ARHGAP30: variants seen among roughly 807,000 people sequenced by gnomAD.
ARHGAP30 encodes rho GTPase-activating protein 30.
ARHGAP30 carries 23 observed loss-of-function variants against 72.0 expected under a neutral mutation model. The ratio of observed to expected loss-of-function variants is 0.32; its 90% CI spans 0.23 to 0.45. The LOEUF (loss-of-function observed/expected upper bound fraction) is 0.45, where lower values mean the gene tolerates loss of function less well. Among genes scored for constraint, ARHGAP30 ranks in the 20% least tolerant of loss-of-function variants. The pLI, the probability that ARHGAP30 is intolerant of heterozygous loss-of-function variation, is 1.00. For missense variants in ARHGAP30, 1,319 were observed against 1,383.4 expected (o/e 0.95, Z 0.74); for synonymous variants, 576 against 528.2 (o/e 1.09, Z -1.24).
intron 1 of ARHGAP30, among the ~76,000 whole-genome samples, chr1:161,067,032 C>G (rs984259816): frequency 1.3e-5 from 2 of 152,058 alleles, no homozygotes; most frequent in Non-Finnish European, 2.9e-5. Flanking sequence ...CCTCCAGAGT[C>G]CTTTAAAGGG....
chr1:161,052,211 G>T (rs1651454816), intron 9 of ARHGAP30, 75 bp downstream of exon 9: 3 of 1,507,022 alleles, frequency 2.0e-6, no homozygotes, highest in Non-Finnish European at 2.8e-6. Context: ...AACACAGTTG[G>T]CTGCATGTAC....
chr1:161,067,119 A>G (rs1652830273), intron 1 of ARHGAP30, among the ~76,000 whole-genome samples: 1 of 152,168 alleles, frequency 6.6e-6, no homozygotes, highest in Non-Finnish European at 1.5e-5. Context: ...ACAGGGTCAC[A>G]GAGATGGGGG....
At chr1:161,067,631 G>T (rs1452792806) in intron 1 of ARHGAP30, among the ~76,000 whole-genome samples, 3 of 152,080 alleles carry the variant, frequency 2.0e-5, no homozygotes, top group Non-Finnish European at 4.4e-5. Context: ...GGAAAAGAAA[G>T]AATTCAGTAT....
intron 3 of ARHGAP30, 98 bp from the exon 4 acceptor site, chr1:161,054,803 C>T (rs1016776145): frequency 9.5e-7 from 1 of 1,056,292 alleles, no homozygotes; most frequent in Admixed American, 1.8e-5. Flanking sequence ...ACAATGTGCA[C>T]TGGACTCTGT....
At chr1:161,052,953 C>T (rs1163171478) in intron 6 of ARHGAP30, 156 bp from the exon 7 acceptor site, 13 of 1,016,810 alleles carry the variant, frequency 1.3e-5, no homozygotes, top group Non-Finnish European at 1.8e-5. Flanking sequence ...CAAAAGAGTG[C>T]CCTCATGGAC....
At chr1:161,061,016 T>C (rs17384360) in intron 1 of ARHGAP30, among the ~76,000 whole-genome samples, 2 of 151,034 alleles carry the variant, frequency 1.3e-5, no homozygotes, top group African/African-American at 2.4e-5. Flanking sequence ...GGACTTATCT[T>C]AAAAGTGCAT....
In ARHGAP30 at chr1:161,069,857, T is replaced by C. The variant is rs1653049861; in HGVS notation, c.-233A>G. The C allele has an allele frequency of 1.8e-6, 1 of 568,000 alleles. No homozygotes were observed. Among genetic ancestry groups the C allele is most frequent in the Non-Finnish European group, 3.2e-6 (1 of 315,692 alleles). The allele number at this position is 568,000 out of a possible 1,614,324, so 35.2% of individuals were successfully genotyped here. A position where few individuals can be genotyped will look rare whatever the true frequency, so the allele number is the denominator to read the frequency against. ...AAGCTACCAGGACCCTGGCAAGAAA[T>C]TGTGTCCTGTGTCTCGTGGCCCAGC... On this transcript the variant is annotated 5_prime_UTR_variant, in exon 1 of 12. Coordinates refer to ENST00000368013, the MANE Select transcript of ARHGAP30 (RefSeq NM_001025598.2). The surrounding 1 kb of genome is among the most constrained non-coding windows in gnomAD (Gnocchi z 4.9).
At position 161,047,619 on chromosome 1, in the gene ARHGAP30, C is replaced by T; in HGVS notation, c.*96G>A. 7.3e-7 allele frequency: 1 copy of T among 1,368,532 alleles called. No individual in the cohort carries two copies. The highest frequency in any genetic ancestry group is 9.8e-7 in the Non-Finnish European group (1 of 1,021,900). 84.8% of individuals were successfully genotyped at this position (1,368,532 alleles called of 1,614,324 possible). On this transcript the variant is annotated 3_prime_UTR_variant, in exon 12 of 12. Coordinates refer to ENST00000368013, the MANE Select transcript of ARHGAP30 (RefSeq NM_001025598.2). ...GGGCCAAAGCCTATAGAGTTGGGCA[C>T]TACAGCTGCTCATGCTGCAGAGGAG...
intron 10 of ARHGAP30, 29 bp downstream of exon 10, chr1:161,051,285 C>T: frequency 6.5e-7 from 1 of 1,542,748 alleles, no homozygotes; most frequent in Non-Finnish European, 8.7e-7. Flanking sequence ...GTCCCCTTTC[C>T]TAGTCTTGGT....
At position 161,049,004 on chromosome 1, in the gene ARHGAP30, C is replaced by G; in HGVS notation, c.2017G>C (p.Glu673Gln). The G allele has an allele frequency of 1.9e-6, 3 of 1,613,928 alleles. No individual in the cohort carries two copies. The highest frequency in any genetic ancestry group is 2.5e-6 in the Non-Finnish European group (3 of 1,180,046). ...AEPGGRLDIR[E>Q]EAEGSPETKV... ...GTCTCTGGACTTCCCTCTGCCTCTTCCCTGATGTCTAGCCTGCCTCCAGGC... is the reference window on the plus strand; with the variant it reads ...GTCTCTGGACTTCCCTCTGCCTCTTGCCTGATGTCTAGCCTGCCTCCAGGC... The change falls in exon 12 of 12, where the codon GAA (glutamate) becomes CAA (glutamine). Residue 673 changes from glutamate to glutamine, a missense_variant. Physicochemically the swap from Glu to Gln is conservative, Grantham distance 29. This residue lies in a region of ARHGAP30 where 1,097 missense variants were observed against 1,045.2 expected (regional missense o/e 1.05). Coordinates refer to ENST00000368013, the MANE Select transcript of ARHGAP30 (RefSeq NM_001025598.2).
At position 161,051,724 on chromosome 1, in the gene ARHGAP30, G is replaced by A; in HGVS notation, c.1019-9C>T. The A allele has an allele frequency of 6.3e-7, 1 of 1,590,734 alleles. No homozygotes were observed. The highest frequency in any genetic ancestry group is 1.8e-5 in the Admixed American group (1 of 55,694). On this transcript the variant is annotated splice_polypyrimidine_tract_variant and intron_variant, in intron 9 of 11. Transcript: ENST00000368013. ...CACCAGCCCCTCTGGCTCTGTGGAG[G>A]AAAAAGAGGGCCAGGTAGGCAATAG...
At chr1:161,059,370 T>G (rs1294277609) in intron 2 of ARHGAP30, among the ~76,000 whole-genome samples, 2 of 149,942 alleles carry the variant, frequency 1.3e-5, no homozygotes, top group Admixed American at 6.7e-5. Flanking sequence ...GGTGTGTGTG[T>G]GGGAATGGTG....
At chr1:161,053,470 C>G in intron 5 of ARHGAP30, 85 bp from the exon 6 acceptor site, 2 of 776,892 alleles carry the variant, frequency 2.6e-6, no homozygotes, top group African/African-American at 7.4e-5. Flanking sequence ...TATTCTCTCT[C>G]TCTCTCTCTC....
At position 161,053,393 on chromosome 1, in the gene ARHGAP30, G is replaced by A. The variant is rs909682493; in HGVS notation, c.537-8C>T. The A allele has an allele frequency of 6.2e-7, 1 of 1,607,756 alleles. No homozygotes were observed. On this transcript the variant is annotated splice_polypyrimidine_tract_variant and splice_region_variant and intron_variant, in intron 5 of 11. Transcript: ENST00000368013. ...GCCTCTATGTCCTTAGACCTGTGGAGATGTGGAATTATTCTCCCCCTCAGC... is the reference window on the plus strand; with the variant it reads ...GCCTCTATGTCCTTAGACCTGTGGAAATGTGGAATTATTCTCCCCCTCAGC...
rs1651675272 is a variant in ARHGAP30 at position 161,054,407 on chromosome 1, A to G, written c.495T>C (p.His165=). The change falls in exon 5 of 12, where the codon CAT becomes CAC. Residue 165 remains histidine (H), a synonymous_variant. Transcript: ENST00000368013. ...MASFSAQTNM[H]ARNLAIVWAP... ...CCCACACGATGGCCAGGTTGCGAGC[A>G]TGCATGTTGGTCTGGGCACTGAATG... 5 of 1,614,042 alleles carry G rather than the reference A, an allele frequency of 3.1e-6. No individual in the cohort carries two copies. In the Admixed American group the frequency reaches 8.3e-5, roughly 27 times the overall value.
Position 161,047,566 on chromosome 1 carries a change from C to T in ARHGAP30, c.*149G>A. 3 of 758,664 alleles carry T rather than the reference C, an allele frequency of 4.0e-6. No individual in the cohort carries two copies. Among genetic ancestry groups the T allele is most frequent in the South Asian group, 3.8e-5 (1 of 26,270 alleles). 47.0% of individuals were successfully genotyped at this position (758,664 alleles called of 1,614,324 possible). A position where few individuals can be genotyped will look rare whatever the true frequency, so the allele number is the denominator to read the frequency against. On this transcript the variant is annotated 3_prime_UTR_variant, in exon 12 of 12. Coordinates refer to ENST00000368013, the MANE Select transcript of ARHGAP30 (RefSeq NM_001025598.2). Reference sequence around the variant, plus strand: ...TTCAGGTAAACCAACCAAGGCAGTGCCTCCCACAGTCAAAGAGAGAAGCTG... The same window carrying T: ...TTCAGGTAAACCAACCAAGGCAGTGTCTCCCACAGTCAAAGAGAGAAGCTG...
At chr1:161,054,257 C>T (rs766329399) in intron 5 of ARHGAP30, 109 bp downstream of exon 5, 7 of 1,000,410 alleles carry the variant, frequency 7.0e-6, no homozygotes, top group Non-Finnish European at 1.1e-5. Context: ...CTTTGTGAGC[C>T]CTACACCCTT....
Position 161,047,091 on chromosome 1 carries a change from G to A in ARHGAP30, c.*624C>T, listed in dbSNP as rs1650895091. On this transcript the variant is annotated 3_prime_UTR_variant, in exon 12 of 12. Coordinates refer to ENST00000368013, the MANE Select transcript of ARHGAP30 (RefSeq NM_001025598.2). ...GGAACAAGTTATTCCAAAGGAGAAA[G>A]GAGAGCCCAGAGAGATCTGTACAGG... 2.3e-6 allele frequency: 1 copy of A among 429,920 alleles called. No individual in the cohort carries two copies. The highest frequency in any genetic ancestry group is 3.0e-5 in the Admixed American group (1 of 32,826). 26.6% of individuals were successfully genotyped at this position (429,920 alleles called of 1,614,324 possible). A position where few individuals can be genotyped will look rare whatever the true frequency, so the allele number is the denominator to read the frequency against.
In ARHGAP30 at chr1:161,067,674, G is replaced by C. The variant is rs375961577; in HGVS notation, c.97+1854C>G. ...GCTTAAGGAAGGAAGAGACCCATGT[G>C]GGGGCAAAGAGCTGGAGAGAGGGCT... On this transcript the variant is annotated intron_variant, in intron 1 of 11. Coordinates refer to ENST00000368013, the MANE Select transcript of ARHGAP30 (RefSeq NM_001025598.2). 7.2e-5 allele frequency among the ~76,000 whole-genome samples: 11 copies of C among 152,264 alleles called. No homozygotes were observed. In the East Asian group the frequency reaches 9.6e-4, roughly 13 times the overall value.
Sources: gnomAD v4.1 joint callset for allele counts (sites outside exome capture counted in the v4.1 genomes callset) on GRCh38, gnomAD v4.1.1 for gene constraint, gnomAD v4.1.1 regional missense constraint, Gnocchi (gnomAD v3.1) non-coding constraint, MANE v1.5 for transcripts, NCBI Gene and HGNC (gene_info 2026-07-23, HGNC 2026-07-21) for gene names.